Variants in RAB31 observed in about 807,000 individuals in gnomAD.
The protein encoded by RAB31 is ras-related protein Rab-31.
Under a neutral mutation model 25.6 loss-of-function variants are expected in RAB31, and 21 were observed. The ratio of observed to expected loss-of-function variants is 0.82; its 90% CI spans 0.58 to 1.18. The LOEUF is 1.18. Ranked by LOEUF, RAB31 falls within the 50% of genes most tolerant of loss-of-function variation. The pLI is 0.00. For missense variants in RAB31, 196 were observed against 250.1 expected (o/e 0.78, Z 1.46); for synonymous variants, 87 against 84.0 (o/e 1.04, Z -0.20).
chr18:9,838,046 A>G (rs2068713995), intron 5 of RAB31, among the ~76,000 whole-genome samples: 2 of 152,200 alleles, frequency 1.3e-5, no homozygotes, highest in Admixed American at 1.3e-4. Flanking sequence ...CTTTGCAAAG[A>G]TTCATTTAAG....
intron 1 of RAB31, among the ~76,000 whole-genome samples, chr18:9,749,705 A>G (rs1159662215): frequency 6.6e-6 from 1 of 152,236 alleles, no homozygotes; most frequent in Non-Finnish European, 1.5e-5. Flanking sequence ...AATTGTTCCC[A>G]TGAATGGCTA....
intron 3 of RAB31, among the ~76,000 whole-genome samples, chr18:9,792,654 G>A (rs988339561): frequency 7.9e-5 from 12 of 152,144 alleles, no homozygotes; most frequent in African/African-American, 2.9e-4. Context: ...CTGCAAGTGG[G>A]AACATACATC....
chr18:9,812,100 T>G (rs1026768091), intron 3 of RAB31, among the ~76,000 whole-genome samples: 1 of 152,120 alleles, frequency 6.6e-6, no homozygotes, highest in Non-Finnish European at 1.5e-5. Flanking sequence ...AGAAGGGAGA[T>G]CTGGTCTCCT....
chr18:9,845,848 C>T (rs1378223709), intron 6 of RAB31, among the ~76,000 whole-genome samples, 157 bp downstream of exon 6: 1 of 152,214 alleles, frequency 6.6e-6, no homozygotes, highest in Non-Finnish European at 1.5e-5. Flanking sequence ...TGTTAATACC[C>T]ACTTCTATTA....
At chr18:9,730,648 T>C (rs189162092) in intron 1 of RAB31, among the ~76,000 whole-genome samples, 1 of 152,340 alleles carries the variant, frequency 6.6e-6, no homozygotes, top group African/African-American at 2.4e-5. Flanking sequence ...GCTGAAATGC[T>C]ATATGTAAAT....
intron 1 of RAB31, among the ~76,000 whole-genome samples, chr18:9,747,262 G>T (rs2068210556): frequency 6.6e-6 from 1 of 152,202 alleles, no homozygotes; most frequent in South Asian, 2.1e-4. Context: ...TGGCGAGGAT[G>T]TGCAGAGATT....
At chr18:9,776,414 T>A (rs1022062085) in intron 2 of RAB31, among the ~76,000 whole-genome samples, 13 of 152,294 alleles carry the variant, frequency 8.5e-5, no homozygotes, top group African/African-American at 3.1e-4. Flanking sequence ...AGAAAAATCA[T>A]GGCAGGGAAT....
chr18:9,829,276 C>A (rs1294752985), intron 5 of RAB31, among the ~76,000 whole-genome samples: 1 of 152,092 alleles, frequency 6.6e-6, no homozygotes, highest in South Asian at 2.1e-4. Context: ...ATTTTCCAAG[C>A]AGTAGATTTG....
rs943367378 is a variant in RAB31 at position 9,861,437 on chromosome 18, C to G, written c.*2112C>G. On this transcript the variant is annotated 3_prime_UTR_variant, in exon 7 of 7. Transcript: ENST00000578921. Reference sequence around the variant, plus strand: ...TTCTGTATTGTCTTAGCTATTCAAGCCAGTCAGAGGATAATATATATATTC... The same window carrying G: ...TTCTGTATTGTCTTAGCTATTCAAGGCAGTCAGAGGATAATATATATATTC... The G allele has an allele frequency of 6.6e-6, 1 of 152,132 alleles. No homozygotes were observed. The highest frequency in any genetic ancestry group is 2.4e-5 in the African/African-American group (1 of 41,416). 9.4% of individuals were successfully genotyped at this position (152,132 alleles called of 1,614,324 possible).
chr18:9,839,523 C>A (rs2068721926), intron 5 of RAB31, among the ~76,000 whole-genome samples: 1 of 152,182 alleles, frequency 6.6e-6, no homozygotes, highest in Admixed American at 6.5e-5. Flanking sequence ...GAGGGGGTGA[C>A]TGCAGCAGAG....
intron 1 of RAB31, among the ~76,000 whole-genome samples, chr18:9,713,648 A>G (rs1268571526): frequency 6.6e-6 from 1 of 152,084 alleles, no homozygotes; most frequent in African/African-American, 2.4e-5. Context: ...TTTGAGGAGC[A>G]TTTTCAAGCT....
At chr18:9,824,671 A>G (rs1221870544) in intron 5 of RAB31, among the ~76,000 whole-genome samples, 1 of 152,234 alleles carries the variant, frequency 6.6e-6, no homozygotes, top group Non-Finnish European at 1.5e-5. Context: ...ATCTTCTTGC[A>G]TGTTCCAGAA....
intron 1 of RAB31, among the ~76,000 whole-genome samples, chr18:9,772,929 G>A (rs935615730): frequency 1.3e-5 from 2 of 152,194 alleles, no homozygotes; most frequent in Non-Finnish European, 1.5e-5. Context: ...GGGGGACTGC[G>A]AGGGAACATG....
At chr18:9,757,388 C>G (rs16955546) in intron 1 of RAB31, among the ~76,000 whole-genome samples, 1 of 152,168 alleles carries the variant, frequency 6.6e-6, no homozygotes, top group African/African-American at 2.4e-5. Flanking sequence ...TTGGGAGGAC[C>G]GCTGTTGGGA....
intron 1 of RAB31, among the ~76,000 whole-genome samples, chr18:9,725,847 A>G (rs760734594): frequency 7.9e-5 from 12 of 152,242 alleles, no homozygotes; most frequent in Non-Finnish European, 1.6e-4. Context: ...GTCCAGTATC[A>G]GAGATGGTCT....
At chr18:9,744,413 C>T (rs909619365) in intron 1 of RAB31, among the ~76,000 whole-genome samples, 1 of 152,218 alleles carries the variant, frequency 6.6e-6, no homozygotes, top group Non-Finnish European at 1.5e-5. Context: ...ACTTATGCTT[C>T]TCTGACTTCT....
intron 6 of RAB31, among the ~76,000 whole-genome samples, chr18:9,850,150 A>T (rs993282018): frequency 2.6e-5 from 4 of 152,186 alleles, no homozygotes; most frequent in African/African-American, 7.2e-5. Flanking sequence ...AGACAGCGTT[A>T]CCAAGAGTCA....
At chr18:9,759,154 C>A (rs2068274732) in intron 1 of RAB31, among the ~76,000 whole-genome samples, 2 of 151,996 alleles carry the variant, frequency 1.3e-5, no homozygotes, top group South Asian at 4.2e-4. Flanking sequence ...GAGCGGAGGG[C>A]ACTTAGAGGA....
At chr18:9,857,521 G>C (rs1375679561) in intron 6 of RAB31, among the ~76,000 whole-genome samples, 1 of 151,488 alleles carries the variant, frequency 6.6e-6, no homozygotes, top group Admixed American at 6.6e-5. Context: ...AAGATGTGCT[G>C]GGGAAAAATA....
Sources: allele counts gnomAD v4.1 joint callset (sites outside exome capture counted in the v4.1 genomes callset), GRCh38; gene constraint gnomAD v4.1.1; transcripts MANE v1.5; gene names NCBI Gene and HGNC (gene_info 2026-07-23, HGNC 2026-07-21).